The following TMOD2 variants were observed in gnomAD, a reference collection of about 807,000 sequenced individuals.
TMOD2 encodes the protein tropomodulin-2.
Under a neutral mutation model 39.9 loss-of-function variants are expected in TMOD2, and 22 were observed. That is an observed-to-expected ratio of 0.55 (90% CI 0.39 to 0.79). The LOEUF (loss-of-function observed/expected upper bound fraction) is 0.79, where lower values mean the gene tolerates loss of function less well. TMOD2 is among the 30% of genes least tolerant of loss of function. The pLI is 0.00. For missense variants in TMOD2, 386 were observed against 413.3 expected, an observed-to-expected ratio of 0.93 and a Z score of 0.57; for synonymous variants, 123 against 146.1, an observed-to-expected ratio of 0.84 and a Z score of 1.14.
In TMOD2 at chr15:51,766,366, T is replaced by G; in HGVS notation, c.-69-7T>G. On this transcript the variant is annotated splice_polypyrimidine_tract_variant and splice_region_variant and intron_variant, in intron 1 of 9. Transcript: ENST00000249700. ...TCTTTTTTATTGTGTTTCTTTTTTATTAACAGTATTCTGAAGTCTCAGGAA... is the reference window on the plus strand; with the variant it reads ...TCTTTTTTATTGTGTTTCTTTTTTAGTAACAGTATTCTGAAGTCTCAGGAA... 7.3e-7 allele frequency: 1 copy of G among 1,364,064 alleles called. No individual in the cohort carries two copies. Among genetic ancestry groups the G allele is most frequent in the South Asian group, 1.4e-5 (1 of 71,746 alleles). 84.5% of individuals were successfully genotyped at this position (1,364,064 alleles called of 1,614,324 possible).
intron 1 of TMOD2, among the ~76,000 whole-genome samples, chr15:51,760,956 A>G (rs2141613579): frequency 6.6e-6 from 1 of 152,288 alleles, no homozygotes; most frequent in Non-Finnish European, 1.5e-5. Flanking sequence ...AAGCCATTTT[A>G]GCCGAAGTGG....
intron 8 of TMOD2, among the ~76,000 whole-genome samples, chr15:51,801,237 TCACACACACACACACACA>T (rs546562505): frequency 2.0e-5 from 2 of 102,106 alleles, no homozygotes; most frequent in Admixed American, 1.1e-4. Context: ...TCTCTCTCTC[TCACACACACACACACACA>T]CACACACACA....
chr15:51,772,986 T>C (rs1197234983), intron 3 of TMOD2, among the ~76,000 whole-genome samples: 2 of 152,180 alleles, frequency 1.3e-5, no homozygotes, highest in African/African-American at 4.8e-5. Context: ...CCTTTAGATA[T>C]ACCTAGGAGG....
chr15:51,777,155 C>T (rs764357875), intron 5 of TMOD2, 137 bp downstream of exon 5: 2 of 695,052 alleles, frequency 2.9e-6, no homozygotes, highest in Non-Finnish European at 5.0e-6. Context: ...AGCAATCAAA[C>T]CAGAACAGAG....
At chr15:51,782,996 T>C (rs2055942064) in intron 7 of TMOD2, 168 bp downstream of exon 7, 1 of 591,636 alleles carries the variant, frequency 1.7e-6, no homozygotes, top group Non-Finnish European at 3.0e-6. Flanking sequence ...AGAACTGAAC[T>C]GTCAGATGCT....
chr15:51,770,585 G>A (rs1054161472), intron 3 of TMOD2, among the ~76,000 whole-genome samples: 4 of 152,122 alleles, frequency 2.6e-5, no homozygotes, highest in African/African-American at 4.8e-5. Flanking sequence ...ACATAATGCC[G>A]AGGCTGCCCT....
At chr15:51,773,648 AGTCT>A in intron 3 of TMOD2, 60 bp from the exon 4 acceptor site, 1 of 1,500,292 alleles carries the variant, frequency 6.7e-7, no homozygotes. Context: ...TTCTCTGCTC[AGTCT>A]ACTTACCCTA....
At chr15:51,793,516 T>TATAAA (rs2056027105) in intron 7 of TMOD2, among the ~76,000 whole-genome samples, 4 of 152,240 alleles carry the variant, frequency 2.6e-5, no homozygotes, top group Admixed American at 6.5e-5. Context: ...CATACAATCC[T>TATAAA]ATAAAGTACA....
intron 1 of TMOD2, among the ~76,000 whole-genome samples, chr15:51,765,749 T>C (rs1426828296): frequency 6.6e-6 from 1 of 152,242 alleles, no homozygotes; most frequent in Admixed American, 6.5e-5. Context: ...AGAAATAGAA[T>C]GGAAAACAAA....
chr15:51,776,380 T>C (rs1354900494), intron 4 of TMOD2, among the ~76,000 whole-genome samples: 1 of 152,324 alleles, frequency 6.6e-6, no homozygotes, highest in Admixed American at 6.5e-5. Flanking sequence ...CTGGTGCAAG[T>C]TCTGTGTAAT....
At chr15:51,774,583 C>T (rs997076649) in intron 4 of TMOD2, among the ~76,000 whole-genome samples, 1 of 152,166 alleles carries the variant, frequency 6.6e-6, no homozygotes, top group African/African-American at 2.4e-5. Flanking sequence ...GAGAACCAGC[C>T]TTATTCTAAA....
At chr15:51,795,995 G>A (rs995777736) in intron 7 of TMOD2, among the ~76,000 whole-genome samples, 1 of 140,158 alleles carries the variant, frequency 7.1e-6, no homozygotes, top group Non-Finnish European at 1.5e-5. Flanking sequence ...TTAAATTTGT[G>A]TCTGTTTCTT....
chr15:51,800,225 G>C (rs1398710654), intron 8 of TMOD2, among the ~76,000 whole-genome samples: 1 of 152,176 alleles, frequency 6.6e-6, no homozygotes, highest in Non-Finnish European at 1.5e-5. Flanking sequence ...TGAAAATTTA[G>C]AACAGAGCAG....
intron 8 of TMOD2, among the ~76,000 whole-genome samples, chr15:51,801,667 G>T (rs1387330334): frequency 1.1e-4 from 16 of 152,148 alleles, no homozygotes; most frequent in Non-Finnish European, 1.0e-4. Flanking sequence ...AGAACAATCG[G>T]TGATGCATAT....
chr15:51,797,484 T>C (rs2056058986), intron 7 of TMOD2, among the ~76,000 whole-genome samples: 2 of 152,232 alleles, frequency 1.3e-5, no homozygotes, highest in Non-Finnish European at 2.9e-5. Flanking sequence ...ATCTTTCTAT[T>C]TTCTGTATTT....
intron 7 of TMOD2, among the ~76,000 whole-genome samples, chr15:51,797,305 T>G (rs569893233): frequency 6.6e-6 from 1 of 152,274 alleles, no homozygotes; most frequent in Non-Finnish European, 1.5e-5. Flanking sequence ...CTTCATTGAT[T>G]GTGCTGGCAG....
intron 1 of TMOD2, among the ~76,000 whole-genome samples, chr15:51,757,781 A>C (rs2055752716): frequency 6.6e-6 from 1 of 152,206 alleles, no homozygotes; most frequent in Non-Finnish European, 1.5e-5. Flanking sequence ...ACCAGCCATG[A>C]GCTGGAAAAG....
At chr15:51,795,246 C>T (rs2056039600) in intron 7 of TMOD2, among the ~76,000 whole-genome samples, 1 of 151,924 alleles carries the variant, frequency 6.6e-6, no homozygotes, top group African/African-American at 2.4e-5. Flanking sequence ...CATGGTGAAA[C>T]CCCGTCTCTA....
intron 5 of TMOD2, among the ~76,000 whole-genome samples, chr15:51,779,475 G>A (rs2055914721): frequency 6.6e-6 from 1 of 151,764 alleles, no homozygotes; most frequent in African/African-American, 2.4e-5. Flanking sequence ...CTGCCTCCCG[G>A]GTTCATGCCA....
Sources: allele counts gnomAD v4.1 joint callset (sites outside exome capture counted in the v4.1 genomes callset), GRCh38; gene constraint gnomAD v4.1.1; transcripts MANE v1.5; gene names NCBI Gene and HGNC (gene_info 2026-07-23, HGNC 2026-07-21).